SEMA3E: variants seen among roughly 807,000 people sequenced by gnomAD.
SEMA3E encodes semaphorin 3E.
Under a neutral mutation model 93.6 loss-of-function variants are expected in SEMA3E, and 49 were observed. That is an observed-to-expected ratio of 0.52 (90% CI 0.42 to 0.66). SEMA3E has a LOEUF of 0.66. SEMA3E is among the 30% of genes least tolerant of loss of function. The pLI is 0.00. For missense variants in SEMA3E, 906 were observed against 964.8 expected (o/e 0.94, Z 0.81); for synonymous variants, 363 against 330.7 (o/e 1.10, Z -1.06).
In SEMA3E at chr7:83,380,942, G is replaced by T. The variant is rs575485878; in HGVS notation, c.1875+4352C>A. Among the ~76,000 whole-genome samples, 31 of 151,940 alleles carry T rather than the reference G, an allele frequency of 2.0e-4. 1 individual carries two copies. Among genetic ancestry groups the T allele is most frequent in the Non-Finnish European group, 2.9e-4 (20 of 67,954 alleles). On this transcript the variant is annotated intron_variant, in intron 16 of 16. Transcript: ENST00000643230. Reference sequence around the variant, plus strand: ...ATATAGCAAAGCACATTGCTACAATGTGTATGAGGCAATCACTTGCAAATC... The same window carrying T: ...ATATAGCAAAGCACATTGCTACAATTTGTATGAGGCAATCACTTGCAAATC...
Position 83,515,812 on chromosome 7 carries a change from G to A in SEMA3E, c.116-25538C>T, listed in dbSNP as rs539784288. On this transcript the variant is annotated intron_variant, in intron 1 of 16. Coordinates refer to ENST00000643230, the MANE Select transcript of SEMA3E (RefSeq NM_012431.3). The stretch of plus-strand genomic sequence containing the variant: ...GGAGGCCGAGGCAGATGGATCACCT[G>A]CGGTCAGGAGTTCGAGACCAGCCTG... 4.6e-5 allele frequency among the ~76,000 whole-genome samples: 7 copies of A among 152,108 alleles called. No homozygotes were observed. The South Asian group carries it at 1.2e-3, about 27-fold the overall frequency.
intron 1 of SEMA3E, among the ~76,000 whole-genome samples, chr7:83,500,921 A>G (rs762584885): frequency 1.6e-4 from 24 of 152,092 alleles, no homozygotes; most frequent in South Asian, 6.2e-4. Flanking sequence ...CATGTATTCT[A>G]TGAAATTGTC....
At chr7:83,517,097 C>T (rs1471800300) in intron 1 of SEMA3E, among the ~76,000 whole-genome samples, 2 of 152,088 alleles carry the variant, frequency 1.3e-5, no homozygotes, top group Admixed American at 6.6e-5. Context: ...TATTCCTATA[C>T]CAAGTCGACC....
chr7:83,639,126 A>AC lies in SEMA3E; in HGVS notation c.115+9301_115+9302insG, dbSNP rs1562866005. ...ACTCCGTCTCAAAAAAAAAAAAAAAAAAAAAAAAAAAAAACAGAGATTCCT... is the reference window on the plus strand; with the variant it reads ...ACTCCGTCTCAAAAAAAAAAAAAAAACAAAAAAAAAAAAAACAGAGATTCCT... On this transcript the variant is annotated intron_variant, in intron 1 of 16. Transcript: ENST00000643230. 8.2e-3 allele frequency among the ~76,000 whole-genome samples: 1,151 copies of AC among 140,792 alleles called. 61 individuals are homozygous for AC. The highest frequency in any genetic ancestry group is 0.029 in the African/African-American group (1,102 of 38,108). The allele number at this position is 140,792 out of a possible 152,430, so 92.4% of individuals were successfully genotyped here. A position where few individuals can be genotyped will look rare whatever the true frequency, so the allele number is the denominator to read the frequency against.
At chr7:83,627,287 A>G (rs1031843871) in intron 1 of SEMA3E, among the ~76,000 whole-genome samples, 1 of 152,126 alleles carries the variant, frequency 6.6e-6, no homozygotes, top group African/African-American at 2.4e-5. Context: ...TGATCTGTCT[A>G]ATATTGACAG....
At position 83,617,629 on chromosome 7, in the gene SEMA3E, T is replaced by A. The variant is rs1228866218; in HGVS notation, c.115+30799A>T. On this transcript the variant is annotated intron_variant, in intron 1 of 16. Transcript: ENST00000643230. ...AAGTAATATATAATTTTATATAAATTTTATATAAATAATATAATTTATTAA... is the reference window on the plus strand; with the variant it reads ...AAGTAATATATAATTTTATATAAATATTATATAAATAATATAATTTATTAA... 2.7e-5 allele frequency among the ~76,000 whole-genome samples: 4 copies of A among 146,512 alleles called. No homozygotes were observed. The South Asian group carries it at 6.3e-4, about 23-fold the overall frequency.
intron 1 of SEMA3E, among the ~76,000 whole-genome samples, chr7:83,523,420 A>G (rs565185370): frequency 2.6e-5 from 4 of 152,224 alleles, no homozygotes; most frequent in Admixed American, 2.6e-4. Flanking sequence ...AAAATGTAAC[A>G]AATTTCATTT....
chr7:83,448,253 T>C (rs1248343516), intron 4 of SEMA3E, among the ~76,000 whole-genome samples: 1 of 152,230 alleles, frequency 6.6e-6, no homozygotes, highest in African/African-American at 2.4e-5. Flanking sequence ...CTAATTCAAC[T>C]TGACTACACT....
intron 4 of SEMA3E, among the ~76,000 whole-genome samples, chr7:83,425,297 T>C (rs545613386): frequency 1.9e-4 from 29 of 152,288 alleles, no homozygotes; most frequent in Admixed American, 2.6e-4. Flanking sequence ...AGCCCCAAAC[T>C]ATTGTTCTAT....
chr7:83,458,042 T>C (rs180769428), intron 4 of SEMA3E, among the ~76,000 whole-genome samples: 313 of 151,814 alleles, frequency 2.1e-3, no homozygotes, highest in Middle Eastern at 3.4e-3. Context: ...TTGTGACATA[T>C]ATATATATAA....
intron 1 of SEMA3E, among the ~76,000 whole-genome samples, chr7:83,627,406 A>T (rs1012166012): frequency 2.0e-5 from 3 of 152,184 alleles, no homozygotes; most frequent in Middle Eastern, 3.4e-3. Flanking sequence ...GTGCATATAT[A>T]TTTAGGATAG....
In SEMA3E at chr7:83,400,112, C is replaced by T. The variant is rs2115616439; in HGVS notation, c.1282G>A (p.Asp428Asn). The change falls in exon 11 of 17, where the codon GAT (aspartate) becomes AAT (asparagine). Residue 428 changes from aspartate (D) to asparagine (N), a missense_variant. Asp to Asn is a conservative substitution (Grantham distance 23). Coordinates refer to ENST00000643230, the MANE Select transcript of SEMA3E (RefSeq NM_012431.3). ...AHKKPILVKTDGKYNLKQIAV... is the reference protein window; with the variant it reads ...AHKKPILVKTNGKYNLKQIAV... The stretch of plus-strand genomic sequence containing the variant: ...ATTTGTTTCAGGTTATATTTTCCAT[C>T]TGTTTTTACCAATATTGGTTTTTTA... 2.5e-6 allele frequency: 4 copies of T among 1,614,006 alleles called. No individual in the cohort carries two copies. The highest frequency in any genetic ancestry group is 3.4e-6 in the Non-Finnish European group (4 of 1,179,956).
At chr7:83,550,558 G>A (rs1791744987) in intron 1 of SEMA3E, among the ~76,000 whole-genome samples, 1 of 152,058 alleles carries the variant, frequency 6.6e-6, no homozygotes, top group Non-Finnish European at 1.5e-5. Context: ...AAATGTAAAT[G>A]AGAAGCTATT....
chr7:83,482,401 C>T (rs1790163784), intron 2 of SEMA3E, among the ~76,000 whole-genome samples: 1 of 151,620 alleles, frequency 6.6e-6, no homozygotes, highest in Admixed American at 6.6e-5. Flanking sequence ...CCCGTCTCTA[C>T]TAAAAATACA....
At chr7:83,611,007 C>T (rs1394212641) in intron 1 of SEMA3E, among the ~76,000 whole-genome samples, 1 of 151,736 alleles carries the variant, frequency 6.6e-6, no homozygotes, top group Admixed American at 6.6e-5. Flanking sequence ...GTTCCCCCAC[C>T]ACCATCAAAT....
intron 1 of SEMA3E, among the ~76,000 whole-genome samples, chr7:83,515,935 G>C (rs995511586): frequency 6.6e-6 from 1 of 152,176 alleles, no homozygotes; most frequent in Admixed American, 6.5e-5. Flanking sequence ...GCTGAGGCAG[G>C]AGAATCACTT....
intron 1 of SEMA3E, among the ~76,000 whole-genome samples, chr7:83,645,208 C>T (rs751660373): frequency 6.6e-6 from 1 of 151,992 alleles, no homozygotes; most frequent in Non-Finnish European, 1.5e-5. Context: ...GACTTTTCTC[C>T]CTTCATTCTC....
intron 1 of SEMA3E, among the ~76,000 whole-genome samples, chr7:83,510,212 A>C (rs1032359915): frequency 3.3e-5 from 5 of 152,182 alleles, no homozygotes; most frequent in African/African-American, 1.2e-4. Flanking sequence ...TTTTTAATTA[A>C]GCAAGTGTTT....
intron 2 of SEMA3E, among the ~76,000 whole-genome samples, chr7:83,474,614 G>A (rs368950073): frequency 6.6e-6 from 1 of 152,244 alleles, no homozygotes; most frequent in African/African-American, 2.4e-5. Context: ...AAAGCAAAAA[G>A]CACACACATA....
Sources: gnomAD v4.1 joint callset for allele counts (sites outside exome capture counted in the v4.1 genomes callset) on GRCh38, gnomAD v4.1.1 for gene constraint, MANE v1.5 for transcripts, NCBI Gene and HGNC (gene_info 2026-07-23, HGNC 2026-07-21) for gene names.